MGAT4C: variants seen among roughly 807,000 people sequenced by gnomAD.
MGAT4C encodes the protein alpha-1,3-mannosyl-glycoprotein 4-beta-N-acetylglucosaminyltransferase C.
In MGAT4C, 19 loss-of-function variants were observed where a neutral mutation model predicts 40.1. That is an observed-to-expected ratio of 0.47 (90% confidence interval 0.33 to 0.70). The LOEUF (loss-of-function observed/expected upper bound fraction) is 0.70. Among genes scored for constraint, MGAT4C ranks in the 30% least tolerant of loss-of-function variants. The probability of loss-of-function intolerance (pLI) is 0.02; values close to 1 mark genes in which losing one functional copy is unlikely to be tolerated. For synonymous variants in MGAT4C, 181 were observed against 187.1 expected, an observed-to-expected ratio of 0.97 and a Z score of 0.27; for missense variants, 491 against 563.2, an observed-to-expected ratio of 0.87 and a Z score of 1.30.
chr12:86,077,309 C>T (rs1410708587), intron 1 of MGAT4C, among the ~76,000 whole-genome samples: 3 of 152,112 alleles, frequency 2.0e-5, no homozygotes, highest in African/African-American at 7.2e-5. Flanking sequence ...TACAACTATC[C>T]TTCATGCAAC....
At chr12:86,096,232 C>T (rs1380369979) in intron 1 of MGAT4C, among the ~76,000 whole-genome samples, 2 of 151,726 alleles carry the variant, frequency 1.3e-5, no homozygotes, top group African/African-American at 4.8e-5. Flanking sequence ...CTTACTAGAA[C>T]TGGTGTTATT....
At chr12:86,573,723 G>GA (rs1960456276) in intron 2 of MGAT4C, among the ~76,000 whole-genome samples, 1 of 151,892 alleles carries the variant, frequency 6.6e-6, no homozygotes, top group Admixed American at 6.6e-5. Context: ...AGGTGTTCTG[G>GA]AAAAGAGTTC....
intron 2 of MGAT4C, among the ~76,000 whole-genome samples, chr12:86,490,693 C>T (rs1238296543): frequency 6.6e-6 from 1 of 151,800 alleles, no homozygotes; most frequent in African/African-American, 2.4e-5. Context: ...CACACATAGG[C>T]TCAAAATAAA....
At chr12:85,999,583 G>GTGTATATATATA (rs1226916126) in intron 2 of MGAT4C, among the ~76,000 whole-genome samples, 4 of 122,964 alleles carry the variant, frequency 3.3e-5, no homozygotes, top group African/African-American at 5.9e-5. Context: ...GTGTGTGTGT[G>GTGTATATATATA]TATATATATA....
chr12:85,989,962 A>G (rs921872945), intron 2 of MGAT4C, among the ~76,000 whole-genome samples: 3 of 152,136 alleles, frequency 2.0e-5, no homozygotes, highest in Non-Finnish European at 2.9e-5. Flanking sequence ...AATGAGAAAA[A>G]GCAGAATTAT....
chr12:86,232,219 T>C (rs1951353741), intron 1 of MGAT4C, among the ~76,000 whole-genome samples: 1 of 152,192 alleles, frequency 6.6e-6, no homozygotes, highest in African/African-American at 2.4e-5. Context: ...ATGGTCCCAT[T>C]TTGATTATTT....
intron 2 of MGAT4C, among the ~76,000 whole-genome samples, chr12:86,541,250 A>G (rs1319346038): frequency 6.6e-6 from 1 of 152,222 alleles, no homozygotes; most frequent in Non-Finnish European, 1.5e-5. Flanking sequence ...ACATTATTAA[A>G]TGCACTTTAG....
At position 86,751,884 on chromosome 12, in the gene MGAT4C, G is replaced by T. The variant is rs549921211; in HGVS notation, c.-261-24643C>A. Among the ~76,000 whole-genome samples, 7 of 151,974 alleles carry T rather than the reference G, an allele frequency of 4.6e-5. No homozygotes were observed. The South Asian group carries it at 1.5e-3, about 32-fold the overall frequency. ...ATAGAAGAGTATATTGCAAAATTAG[G>T]CTTATAAAATCTCAAAAGTTTTGTT... On this transcript the variant is annotated intron_variant, in intron 1 of 7. Coordinates refer to the MGAT4C transcript ENST00000548651.
chr12:86,249,630 A>G (rs1376788932), intron 1 of MGAT4C, among the ~76,000 whole-genome samples: 1 of 152,152 alleles, frequency 6.6e-6, no homozygotes, highest in Non-Finnish European at 1.5e-5. Context: ...GTTATTTACA[A>G]TTAGAATCTG....
intron 1 of MGAT4C, among the ~76,000 whole-genome samples, chr12:86,200,140 T>A (rs560371798): frequency 1.3e-5 from 2 of 149,942 alleles, no homozygotes; most frequent in Admixed American, 1.3e-4. Flanking sequence ...TTTTTTTTTT[T>A]TTTTTTTGAT....
intron 2 of MGAT4C, among the ~76,000 whole-genome samples, chr12:86,528,907 C>A (rs985940268): frequency 2.6e-5 from 4 of 151,884 alleles, no homozygotes; most frequent in Non-Finnish European, 5.9e-5. Flanking sequence ...GCCACCGTGG[C>A]ACACATTTAC....
intron 3 of MGAT4C, among the ~76,000 whole-genome samples, chr12:86,381,655 C>T (rs549361686): frequency 3.9e-5 from 6 of 152,250 alleles, no homozygotes; most frequent in South Asian, 2.1e-4. Context: ...TTTAGGTATT[C>T]GTTAATCCAA....
intron 4 of MGAT4C, among the ~76,000 whole-genome samples, chr12:86,271,234 T>G (rs1253899526): frequency 6.6e-6 from 1 of 152,116 alleles, no homozygotes; most frequent in South Asian, 2.1e-4. Flanking sequence ...ACCTGTTGAA[T>G]GAGAGAAAAT....
In MGAT4C at chr12:86,774,323, C is replaced by CTTTCTTTCTTTCTTTCTTTCT. The variant is rs1192479432; in HGVS notation, c.-261-47083_-261-47082insAGAAAGAAAGAAAGAAAGAAA. On this transcript the variant is annotated intron_variant, in intron 1 of 7. Coordinates refer to the MGAT4C transcript ENST00000548651. ...TCTTTCTTTCTTTCTTTCTTTCTTT[C>CTTTCTTTCTTTCTTTCTTTCT]TTTCTTTCTTTCTTTCTGTCTCTCT... Among the ~76,000 whole-genome samples the CTTTCTTTCTTTCTTTCTTTCT allele has an allele frequency of 4.2e-4, 41 of 97,120 alleles. 3 individuals carry two copies. The highest frequency in any genetic ancestry group is 2.4e-3 in the Admixed American group (19 of 7,900). The allele number at this position is 97,120 out of a possible 152,430, so 63.7% of individuals were successfully genotyped here. A position where few individuals can be genotyped will look rare whatever the true frequency, so the allele number is the denominator to read the frequency against.
intron 3 of MGAT4C, among the ~76,000 whole-genome samples, 193 bp downstream of exon 3, chr12:85,989,207 T>C (rs1885598959): frequency 6.6e-6 from 1 of 152,032 alleles, no homozygotes. Flanking sequence ...ATTAAAAATA[T>C]TGGAACATAA....
chr12:86,348,635 A>G (rs1007637851), intron 3 of MGAT4C, among the ~76,000 whole-genome samples: 7 of 152,186 alleles, frequency 4.6e-5, no homozygotes, highest in African/African-American at 1.7e-4. Flanking sequence ...AAGGCCTTGC[A>G]TCACCATCTT....
chr12:86,565,454 C>G (rs990292553), intron 2 of MGAT4C, among the ~76,000 whole-genome samples: 1 of 152,224 alleles, frequency 6.6e-6, no homozygotes, highest in African/African-American at 2.4e-5. Flanking sequence ...TGCAGCACTA[C>G]AGCCCATTTC....
chr12:86,212,891 CAAAAAAAAA>C (rs71076172), intron 1 of MGAT4C, among the ~76,000 whole-genome samples: 2 of 22,514 alleles, frequency 8.9e-5, no homozygotes, highest in Non-Finnish European at 1.5e-4. Context: ...GACTCCGTCT[CAAAAAAAAA>C]AAAAAAAAAA....
intron 2 of MGAT4C, among the ~76,000 whole-genome samples, chr12:86,490,545 A>C (rs543077223): frequency 1.3e-3 from 197 of 152,216 alleles, no homozygotes; most frequent in African/African-American, 4.4e-3. Flanking sequence ...CTAACATCAT[A>C]ATGACAGGAT....
Sources: gnomAD v4.1 joint callset for allele counts (sites outside exome capture counted in the v4.1 genomes callset) on GRCh38, gnomAD v4.1.1 for gene constraint, MANE v1.5 for transcripts, NCBI Gene and HGNC (gene_info 2026-07-23, HGNC 2026-07-21) for gene names.